The following TENM2 variants were observed in gnomAD, a reference collection of about 807,000 sequenced individuals.
The protein encoded by TENM2 is teneurin-2.
Under a neutral mutation model 245.2 loss-of-function variants are expected in TENM2, and 52 were observed. That is an observed-to-expected ratio of 0.21 (90% CI 0.17 to 0.27). TENM2 has a LOEUF of 0.27. TENM2 is among the 10% of genes least tolerant of loss of function. The pLI is 1.00. For missense variants in TENM2, 3,046 were observed against 3,666.8 expected, an observed-to-expected ratio of 0.83 and a Z score of 4.37; for synonymous variants, 1,363 against 1,438.9, an observed-to-expected ratio of 0.95 and a Z score of 1.19.
chr5:167,196,500 G>GTGTATATATATATGTGTA, the TENM2 span, among the ~76,000 whole-genome samples: 5 of 149,020 alleles, frequency 3.4e-5, no homozygotes, highest in African/African-American at 1.3e-4. Context: ...ATATATATGT[G>GTGTATATATATATGTGTA]TATATATATG....
the TENM2 span, among the ~76,000 whole-genome samples, chr5:167,003,834 G>A: frequency 6.6e-6 from 1 of 152,080 alleles, no homozygotes; most frequent in South Asian, 2.1e-4. Context: ...CATAACACAT[G>A]TACTCTTTTC....
chr5:167,280,270 T>C (rs1022058353), upstream of TENM2, among the ~76,000 whole-genome samples: 14 of 152,152 alleles, frequency 9.2e-5, no homozygotes, highest in Non-Finnish European at 1.5e-5. Flanking sequence ...TGGCATCTGC[T>C]TACACCGCAG....
intron 2 of TENM2, among the ~76,000 whole-genome samples, chr5:167,379,649 C>T (rs1364493842): frequency 6.6e-6 from 1 of 152,058 alleles, no homozygotes; most frequent in African/African-American, 2.4e-5. Flanking sequence ...TCTCCCTAAT[C>T]CCTCACGTAA....
At chr5:167,857,081 A>G (rs1042898719) in intron 2 of TENM2, among the ~76,000 whole-genome samples, 1 of 152,152 alleles carries the variant, frequency 6.6e-6, no homozygotes, top group Admixed American at 6.5e-5. Flanking sequence ...GGTGGTAGTT[A>G]TTCAATACAT....
the TENM2 span, among the ~76,000 whole-genome samples, chr5:166,981,307 A>G: frequency 6.6e-6 from 1 of 152,062 alleles, no homozygotes; most frequent in African/African-American, 2.4e-5. Context: ...GTTTTAAAAT[A>G]TTTTCATGGA....
intron 2 of TENM2, among the ~76,000 whole-genome samples, chr5:167,730,324 G>T (rs1271595732): frequency 2.6e-5 from 4 of 152,144 alleles, no homozygotes; most frequent in Non-Finnish European, 4.4e-5. Flanking sequence ...GAAGACAAAG[G>T]TATGAGTAAT....
chr5:166,980,919 A>G, the TENM2 span, among the ~76,000 whole-genome samples: 2 of 152,228 alleles, frequency 1.3e-5, no homozygotes, highest in South Asian at 4.1e-4. Context: ...GCCACATCAT[A>G]GAGCAGCAAC....
chr5:168,198,188 C>CTTTTT (rs35539116), intron 15 of TENM2, among the ~76,000 whole-genome samples: 30 of 95,844 alleles, frequency 3.1e-4, no homozygotes, highest in East Asian at 1.2e-3. Context: ...CCAATGAACC[C>CTTTTT]TTTTTTTTTT....
intron 14 of TENM2, among the ~76,000 whole-genome samples, chr5:168,193,291 G>T (rs907293298): frequency 2.6e-5 from 4 of 152,150 alleles, no homozygotes; most frequent in Admixed American, 1.3e-4. Context: ...GAAGGACAAA[G>T]CTAGGAGTAA....
intron 2 of TENM2, among the ~76,000 whole-genome samples, chr5:167,562,889 G>A (rs372850810): frequency 2.0e-5 from 3 of 151,324 alleles, no homozygotes; most frequent in East Asian, 2.0e-4. Flanking sequence ...CCTGGGAGGC[G>A]GAGGTTGCAG....
chr5:167,644,257 T>G (rs1779791902), intron 2 of TENM2, among the ~76,000 whole-genome samples: 1 of 152,212 alleles, frequency 6.6e-6, no homozygotes, highest in South Asian at 2.1e-4. Context: ...ACAAACTTGG[T>G]AATAGGTGTT....
chr5:167,559,935 G>A (rs1344280651), intron 2 of TENM2, among the ~76,000 whole-genome samples: 1 of 152,178 alleles, frequency 6.6e-6, no homozygotes, highest in East Asian at 1.9e-4. Context: ...TCCAAGTGCA[G>A]GGCTGACAGA....
intron 14 of TENM2, 108 bp from the exon 17 acceptor site, chr5:168,195,068 C>G (rs1761292171): frequency 1.5e-6 from 2 of 1,322,562 alleles, no homozygotes; most frequent in Admixed American, 4.3e-5. Context: ...TGTTGAAAGC[C>G]TTCTCCTTGC....
At chr5:167,478,608 T>G (rs1198252429) in intron 2 of TENM2, among the ~76,000 whole-genome samples, 1 of 152,228 alleles carries the variant, frequency 6.6e-6, no homozygotes, top group Non-Finnish European at 1.5e-5. Context: ...CTGGGGTTAC[T>G]CTATATTGGA....
chr5:167,007,005 C>T, the TENM2 span, among the ~76,000 whole-genome samples: 1 of 152,158 alleles, frequency 6.6e-6, no homozygotes, highest in South Asian at 2.1e-4. This position sits in a 1 kb window ranked among gnomAD's most constrained non-coding sequence, Gnocchi z 4.2. Flanking sequence ...TTATAATATG[C>T]TCCTTTAAGT....
At chr5:167,365,401 T>A (rs576038528) in intron 1 of TENM2, among the ~76,000 whole-genome samples, 1 of 144,948 alleles carries the variant, frequency 6.9e-6, no homozygotes, top group African/African-American at 2.8e-5. Flanking sequence ...AAAACTCAAA[T>A]TAAGTAGAAA....
intron 2 of TENM2, among the ~76,000 whole-genome samples, chr5:167,520,932 CTTTTTT>C (rs374211778): frequency 2.3e-5 from 3 of 130,532 alleles, no homozygotes; most frequent in Non-Finnish European, 3.3e-5. Flanking sequence ...ATTCTTTTTC[CTTTTTT>C]TTTTTTTTTT....
chr5:167,071,078 C>T, the TENM2 span, among the ~76,000 whole-genome samples: 18 of 152,146 alleles, frequency 1.2e-4, no homozygotes, highest in African/African-American at 3.6e-4. Context: ...CACAGTTAGT[C>T]GGCGGGAAGG....
At chr5:167,026,207 C>T in the TENM2 span, among the ~76,000 whole-genome samples, 29 of 152,322 alleles carry the variant, frequency 1.9e-4, no homozygotes, top group African/African-American at 6.7e-4. Flanking sequence ...TTTGATTTTG[C>T]CCACTGCAGT....
Sources: allele counts gnomAD v4.1 joint callset (sites outside exome capture counted in the v4.1 genomes callset), GRCh38; gene constraint gnomAD v4.1.1; non-coding constraint Gnocchi (gnomAD v3.1); transcripts MANE v1.5; gene names NCBI Gene and HGNC (gene_info 2026-07-23, HGNC 2026-07-21).